Variants in STPG4 observed in about 807,000 individuals in gnomAD.
STPG4 encodes sperm-tail PG-rich repeat containing 4.
In STPG4, 41 loss-of-function variants were observed where a neutral mutation model predicts 31.5. That is an observed-to-expected ratio of 1.30 (90% CI 1.01 to 1.69). The LOEUF (loss-of-function observed/expected upper bound fraction) is 1.69. STPG4 is among the 40% of genes most tolerant of loss of function. The probability of loss-of-function intolerance (pLI) is 0.00; values close to 1 mark genes in which losing one functional copy is unlikely to be tolerated. For missense variants in STPG4, 375 were observed against 293.4 expected, an observed-to-expected ratio of 1.28 and a Z score of -2.03; for synonymous variants, 141 against 103.0, an observed-to-expected ratio of 1.37 and a Z score of -2.24.
At chr2:47,154,074 C>T (rs1338762339) in intron 1 of STPG4, among the ~76,000 whole-genome samples, 3 of 152,042 alleles carry the variant, frequency 2.0e-5, no homozygotes, top group African/African-American at 7.2e-5. Flanking sequence ...TTTATAATGC[C>T]TTTATTACTA....
At chr2:47,101,027 A>C (rs1184173405) in intron 5 of STPG4, among the ~76,000 whole-genome samples, 1 of 151,722 alleles carries the variant, frequency 6.6e-6, no homozygotes, top group African/African-American at 2.4e-5. Flanking sequence ...GCGGTGAGAC[A>C]ATCGCCAAGC....
intron 5 of STPG4, among the ~76,000 whole-genome samples, chr2:47,098,055 T>C (rs1685710977): frequency 6.6e-6 from 1 of 152,254 alleles, no homozygotes; most frequent in South Asian, 2.1e-4. Flanking sequence ...GAATGGTTTT[T>C]ACAGTCTGAT....
At chr2:47,155,031 G>T (rs961514256) in intron 1 of STPG4, 140 bp downstream of exon 1, 1 of 703,818 alleles carries the variant, frequency 1.4e-6, no homozygotes, top group South Asian at 1.7e-5. Flanking sequence ...AGGTGGAGAC[G>T]TGCGTGAGGG....
At chr2:47,101,484 C>T (rs774225864) in intron 5 of STPG4, among the ~76,000 whole-genome samples, 8 of 151,842 alleles carry the variant, frequency 5.3e-5, no homozygotes, top group Non-Finnish European at 7.4e-5. Context: ...AGGCCTGCCA[C>T]ACAAACTTCC....
intron 3 of STPG4, 83 bp downstream of exon 3, chr2:47,151,175 G>C: frequency 6.7e-7 from 1 of 1,497,260 alleles, no homozygotes; most frequent in Non-Finnish European, 9.1e-7. Flanking sequence ...CCTGGGGGAA[G>C]ATATACTCTA....
At chr2:47,104,078 C>T (rs779551004) in intron 5 of STPG4, among the ~76,000 whole-genome samples, 4 of 151,914 alleles carry the variant, frequency 2.6e-5, no homozygotes, top group East Asian at 1.9e-4. Context: ...TTAGCCAAGG[C>T]TGGAGCTATT....
In STPG4 at chr2:47,107,174, T is replaced by C. The variant is rs1024754886; in HGVS notation, c.520-16800A>G. On this transcript the variant is annotated intron_variant, in intron 5 of 6. Coordinates refer to ENST00000445927, the MANE Select transcript of STPG4 (RefSeq NM_001163561.2). ...ACCTCCTCTGCCTGGGCTCCCACTT[T>C]GGCGGCACTTAAGGAGCCCTTCAGC... is the stretch of plus-strand genomic sequence containing the variant. Among the ~76,000 whole-genome samples, 6 of 152,078 alleles carry C rather than the reference T, an allele frequency of 3.9e-5. 1 individual carries two copies. The highest frequency in any genetic ancestry group is 9.7e-5 in the African/African-American group (4 of 41,332).
intron 2 of STPG4, among the ~76,000 whole-genome samples, chr2:47,151,744 C>CT (rs879557031): frequency 2.5e-3 from 359 of 144,396 alleles, no homozygotes; most frequent in African/African-American, 3.7e-3. Context: ...TGAAATTTAA[C>CT]TTTTTTTTTT....
chr2:47,129,470 T>C (rs1243718058), intron 5 of STPG4: 1 of 158,916 alleles, frequency 6.3e-6, no homozygotes, highest in Non-Finnish European at 1.4e-5. Context: ...ACGGCTGGGA[T>C]GGGCAATTCC....
intron 5 of STPG4, among the ~76,000 whole-genome samples, chr2:47,096,443 G>A (rs1248443220): frequency 6.6e-6 from 1 of 152,198 alleles, no homozygotes; most frequent in Non-Finnish European, 1.5e-5. Context: ...ACCTTGCTGG[G>A]ACAAATTCAC....
intron 5 of STPG4, among the ~76,000 whole-genome samples, chr2:47,096,546 G>C (rs1685672832): frequency 1.3e-5 from 2 of 152,230 alleles, no homozygotes; most frequent in Non-Finnish European, 1.5e-5. Context: ...TGGTCGCCGA[G>C]ATATCTTCAT....
At chr2:47,125,979 G>A (rs1686358493) in intron 5 of STPG4, among the ~76,000 whole-genome samples, 1 of 152,158 alleles carries the variant, frequency 6.6e-6, no homozygotes, top group East Asian at 1.9e-4. Context: ...TGAAGAGACT[G>A]TCCTTTCCCC....
At chr2:47,111,633 G>A (rs994632195) in intron 5 of STPG4, among the ~76,000 whole-genome samples, 2 of 151,974 alleles carry the variant, frequency 1.3e-5, no homozygotes, top group African/African-American at 2.4e-5. Context: ...AGTGAATGGT[G>A]TCTGGTAGAA....
At chr2:47,148,979 A>G (rs565200222) in intron 3 of STPG4, among the ~76,000 whole-genome samples, 2 of 152,374 alleles carry the variant, frequency 1.3e-5, no homozygotes, top group South Asian at 4.1e-4. Flanking sequence ...ATGCTATTCT[A>G]GCTTAATGTA....
chr2:47,109,109 T>C (rs1685983977), intron 5 of STPG4, among the ~76,000 whole-genome samples: 1 of 152,242 alleles, frequency 6.6e-6, no homozygotes, highest in African/African-American at 2.4e-5. Context: ...ACTCTTCTGT[T>C]TCCAGTCAAG....
At position 47,117,076 on chromosome 2, in the gene STPG4, C is replaced by T. The variant is rs111258397; in HGVS notation, c.519+12865G>A. On this transcript the variant is annotated intron_variant, in intron 5 of 6. Coordinates refer to ENST00000445927, the MANE Select transcript of STPG4 (RefSeq NM_001163561.2). ...TGGGTATGGGTGCCCCTTGCCTTAA[C>T]CAAGCTTTCTCTTCACCCATGCCCT... 8.6e-4 allele frequency among the ~76,000 whole-genome samples: 131 copies of T among 152,288 alleles called. 1 individual carries two copies. The highest frequency in any genetic ancestry group is 3.0e-3 in the African/African-American group (123 of 41,566).
chr2:47,155,035 G>C (rs535957640), intron 1 of STPG4, 136 bp downstream of exon 1: 160 of 730,222 alleles, frequency 2.2e-4, no homozygotes, highest in Admixed American at 7.0e-4. Context: ...GGAGACGTGC[G>C]TGAGGGCAGG....
At chr2:47,147,018 T>C (rs1283963890) in intron 3 of STPG4, among the ~76,000 whole-genome samples, 1 of 152,068 alleles carries the variant, frequency 6.6e-6, no homozygotes, top group Non-Finnish European at 1.5e-5. Flanking sequence ...TGCGTGCTTA[T>C]AGTCCCAGCT....
chr2:47,124,103 C>G (rs1686321706), intron 5 of STPG4, among the ~76,000 whole-genome samples: 1 of 152,086 alleles, frequency 6.6e-6, no homozygotes, highest in Non-Finnish European at 1.5e-5. Flanking sequence ...CTGCCTCAGC[C>G]TCCTGAGTAG....
Sources: allele counts gnomAD v4.1 joint callset (sites outside exome capture counted in the v4.1 genomes callset), GRCh38; gene constraint gnomAD v4.1.1; transcripts MANE v1.5; gene names NCBI Gene and HGNC (gene_info 2026-07-23, HGNC 2026-07-21).